Variants in SLC13A1 observed in about 807,000 individuals in gnomAD.
SLC13A1 encodes Na(+)/sulfate cotransporter.
A neutral mutation model predicts 70.0 loss-of-function variants in SLC13A1; 65 were observed. The ratio of observed to expected loss-of-function variants is 0.93; its 90% CI spans 0.76 to 1.14. The LOEUF (loss-of-function observed/expected upper bound fraction) is 1.14, where lower values mean the gene tolerates loss of function less well. Ranked by LOEUF, SLC13A1 falls within the 50% of genes most tolerant of loss-of-function variation. The probability of loss-of-function intolerance (pLI) is 0.00; values close to 1 mark genes in which losing one functional copy is unlikely to be tolerated. For missense variants in SLC13A1, 726 were observed against 717.8 expected (o/e 1.01, Z -0.13); for synonymous variants, 275 against 250.5 (o/e 1.10, Z -0.92).
In SLC13A1 at chr7:123,123,154, C is replaced by T. The variant is rs1278638451; in HGVS notation, c.1322G>A (p.Gly441Glu). ...ACAACCATCTGCCAGGGCAAACCCTCCACCAACAAGAATGGCTATATCCCA... is the reference window on the plus strand; with the variant it reads ...ACAACCATCTGCCAGGGCAAACCCTTCACCAACAAGAATGGCTATATCCCA... ...MPWDIAILVGGGFALADGCEE... is the reference protein window; with the variant it reads ...MPWDIAILVGEGFALADGCEE... Residue 441 changes from glycine to glutamate, a missense_variant, in exon 12 of 15, where the codon GGA becomes GAA. Gly to Glu is a moderately conservative substitution (Grantham distance 98). Coordinates refer to ENST00000194130, the MANE Select transcript of SLC13A1 (RefSeq NM_022444.4). 2 of 1,613,352 alleles carry T rather than the reference C, an allele frequency of 1.2e-6. No individual in the cohort carries two copies. The highest frequency in any genetic ancestry group is 3.3e-5 in the Admixed American group (2 of 59,962).
intron 3 of SLC13A1, 66 bp from the exon 4 acceptor site, chr7:123,169,401 T>G: frequency 7.1e-7 from 1 of 1,413,526 alleles, no homozygotes; most frequent in Non-Finnish European, 9.8e-7. Context: ...ATTATTTAAC[T>G]GGAAGATGTT....
intron 7 of SLC13A1, among the ~76,000 whole-genome samples, chr7:123,138,416 T>A (rs577806533): frequency 6.6e-6 from 1 of 152,334 alleles, no homozygotes; most frequent in African/African-American, 2.4e-5. Context: ...TGATTTTCTT[T>A]CTTTTGGGTA....
intron 6 of SLC13A1, among the ~76,000 whole-genome samples, chr7:123,158,677 A>T (rs971311585): frequency 1.7e-4 from 26 of 152,116 alleles, no homozygotes; most frequent in Non-Finnish European, 3.1e-4. Flanking sequence ...ACACATCATT[A>T]AAGCAACCAA....
intron 6 of SLC13A1, among the ~76,000 whole-genome samples, chr7:123,163,873 G>A (rs761730182): frequency 1.7e-4 from 26 of 151,808 alleles, no homozygotes; most frequent in Non-Finnish European, 3.2e-4. Flanking sequence ...TACTGTAATT[G>A]TAATCATTTG....
chr7:123,153,662 G>A (rs1182184169), intron 6 of SLC13A1, among the ~76,000 whole-genome samples: 1 of 151,978 alleles, frequency 6.6e-6, no homozygotes, highest in Non-Finnish European at 1.5e-5. Context: ...TTATACAAAG[G>A]GGGCAGGTAT....
At position 123,125,789 on chromosome 7, in the gene SLC13A1, G is replaced by A. The variant is rs535147326; in HGVS notation, c.1134-114C>T. 8 of 723,072 alleles carry A rather than the reference G, an allele frequency of 1.1e-5. No homozygotes were observed. The South Asian group carries it at 1.3e-4, about 11-fold the overall frequency. The allele number at this position is 723,072 out of a possible 1,614,324, so 44.8% of individuals were successfully genotyped here. ...TAGGTTATTATCAGTAGTAGGTGGT[G>A]TAGGTTATTTATCCTCAATAATCTG... On this transcript the variant is annotated intron_variant, in intron 10 of 14. Transcript: ENST00000194130.
At chr7:123,168,592 T>C (rs1308204027) in intron 4 of SLC13A1, 31 bp from the exon 5 acceptor site, 1 of 1,511,784 alleles carries the variant, frequency 6.6e-7, no homozygotes, top group Admixed American at 1.7e-5. Context: ...GAAAAACAAT[T>C]TAAATAAGGG....
intron 6 of SLC13A1, among the ~76,000 whole-genome samples, chr7:123,161,396 A>G: frequency 6.6e-6 from 1 of 152,078 alleles, no homozygotes; most frequent in East Asian, 1.9e-4. Context: ...ACAACCACAC[A>G]CTACTAAATT....
In SLC13A1 at chr7:123,119,156, C is replaced by G; in HGVS notation, c.1437G>C (p.Leu479Phe). 1 of 1,612,744 alleles carries G rather than the reference C, an allele frequency of 6.2e-7. No individual in the cohort carries two copies. The highest frequency in any genetic ancestry group is 1.3e-5 in the African/African-American group (1 of 74,958). Residue 479 changes from leucine to phenylalanine, a missense_variant, in exon 13 of 15, where the codon TTG becomes TTC. Transcript: ENST00000194130. ...PAWLIILISS[L>F]MVTSLTEVAS... ...CTACCTCAGTTAAAGATGTCACCAT[C>G]AAAGAAGATATCAGAATTATTAGCC...
At chr7:123,164,476 C>T (rs1453340725) in intron 6 of SLC13A1, among the ~76,000 whole-genome samples, 1 of 151,136 alleles carries the variant, frequency 6.6e-6, no homozygotes, top group African/African-American at 2.4e-5. Context: ...ATAAATGGTG[C>T]TTCAAATGAA....
intron 7 of SLC13A1, among the ~76,000 whole-genome samples, chr7:123,145,686 GT>G (rs35569185): frequency 0.026 from 3,885 of 152,168 alleles, 178 homozygotes; most frequent in African/African-American, 0.089. Flanking sequence ...ACCTTTTAAA[GT>G]TTTCTAAGTC....
chr7:123,146,034 G>C (rs569231666), intron 7 of SLC13A1, among the ~76,000 whole-genome samples: 1 of 152,164 alleles, frequency 6.6e-6, no homozygotes, highest in South Asian at 2.1e-4. Context: ...ATTATTATCT[G>C]TTCTTTTAGT....
At chr7:123,192,254 T>C (rs1160443566) in intron 1 of SLC13A1, among the ~76,000 whole-genome samples, 1 of 152,142 alleles carries the variant, frequency 6.6e-6, no homozygotes, top group African/African-American at 2.4e-5. Context: ...TAGTCATATC[T>C]TGTCTTAACC....
intron 7 of SLC13A1, among the ~76,000 whole-genome samples, chr7:123,139,215 A>T (rs1202557038): frequency 6.6e-6 from 1 of 152,122 alleles, no homozygotes; most frequent in Non-Finnish European, 1.5e-5. Context: ...GTCGAAAATG[A>T]GTTCACTGTA....
At chr7:123,195,464 T>C (rs975515782) in intron 1 of SLC13A1, among the ~76,000 whole-genome samples, 34 of 152,072 alleles carry the variant, frequency 2.2e-4, no homozygotes, top group African/African-American at 8.2e-4. Context: ...TCTTTTTAAA[T>C]TATCTCCTAC....
In SLC13A1 at chr7:123,177,260, GTT is replaced by G. The variant is rs146640034; in HGVS notation, c.228+3711_228+3712del. Among the ~76,000 whole-genome samples, 1,272 of 152,174 alleles carry G rather than the reference GTT, an allele frequency of 8.4e-3. 19 individuals are homozygous for G. Among genetic ancestry groups the G allele is most frequent in the African/African-American group, 0.028 (1,183 of 41,524 alleles). ...ATGCCATATCTAATCAATCAGGAAA[GTT>G]TGCTGATTTTACCTTCAAATTTTAT... On this transcript the variant is annotated intron_variant, in intron 2 of 14. Coordinates refer to ENST00000194130, the MANE Select transcript of SLC13A1 (RefSeq NM_022444.4).
At chr7:123,197,832 A>G (rs908664273) in intron 1 of SLC13A1, among the ~76,000 whole-genome samples, 2 of 152,170 alleles carry the variant, frequency 1.3e-5, no homozygotes, top group South Asian at 4.1e-4. Context: ...CCAGTGAATG[A>G]ATCATGTACT....
At chr7:123,199,370 G>T (rs530880748) in intron 1 of SLC13A1, among the ~76,000 whole-genome samples, 1 of 152,032 alleles carries the variant, frequency 6.6e-6, no homozygotes, top group Non-Finnish European at 1.5e-5. Context: ...TCCTACAAGG[G>T]AACTAAATTT....
chr7:123,117,331 A>G (rs1321006913), intron 14 of SLC13A1, 140 bp downstream of exon 14: 36 of 769,622 alleles, frequency 4.7e-5, no homozygotes, highest in East Asian at 7.8e-5. Flanking sequence ...GTGATTAGTC[A>G]TGCACACTGC....
Sources: allele counts gnomAD v4.1 joint callset (sites outside exome capture counted in the v4.1 genomes callset), GRCh38; gene constraint gnomAD v4.1.1; transcripts MANE v1.5; gene names NCBI Gene and HGNC (gene_info 2026-07-23, HGNC 2026-07-21).